ANKRD17: variants seen among roughly 807,000 people sequenced by gnomAD.
The protein encoded by ANKRD17 is ankyrin repeat domain-containing protein 17.
ANKRD17 carries 19 observed loss-of-function variants against 229.7 expected under a neutral mutation model. The observed-to-expected ratio is 0.08, with a 90% CI of 0.06 to 0.12. ANKRD17 has a LOEUF of 0.12. ANKRD17 is among the 10% of genes least tolerant of loss of function. ANKRD17 has a pLI of 1.00. For missense variants in ANKRD17, 2,176 were observed against 3,176.8 expected (o/e 0.68, Z 7.57); for synonymous variants, 1,112 against 1,146.1 (o/e 0.97, Z 0.60).
rs780838820 is a variant in ANKRD17 at position 73,258,538 on chromosome 4, C to T, written c.131G>A (p.Arg44Lys). Residue 44 changes from arginine to lysine, a missense_variant, in exon 1 of 34, where the codon AGA becomes AAA. Physicochemically the swap from Arg to Lys is conservative, Grantham distance 26. Around this residue, in one of 18 missense-constraint regions of ANKRD17, gnomAD observed 196 missense variants for 190.0 expected, o/e 1.03. Coordinates refer to ENST00000358602, the MANE Select transcript of ANKRD17 (RefSeq NM_032217.5). ...ACGAGGAGACGAGGCCGAGCGAGCT[C>T]TGCTGCTGCCGCCAACGCCGCCGCC... ...EVGGGVGGSSRARSASSPRGM... is the reference protein window; with the variant it reads ...EVGGGVGGSSKARSASSPRGM... 1.3e-6 allele frequency: 2 copies of T among 1,500,896 alleles called. No homozygotes were observed. The highest frequency in any genetic ancestry group is 2.5e-5 in the South Asian group (2 of 79,456). The allele number at this position is 1,500,896 out of a possible 1,614,324, so 93.0% of individuals were successfully genotyped here.
chr4:73,147,478 C>A, intron 8 of ANKRD17, 46 bp from the exon 9 acceptor site: 1 of 1,349,846 alleles, frequency 7.4e-7, no homozygotes, highest in Non-Finnish European at 9.8e-7. Flanking sequence ...TTAACTTATT[C>A]CAGAGATATG....
rs774552486 is a variant in ANKRD17 at position 73,097,259 on chromosome 4, T to C, written c.5035A>G (p.Ile1679Val). ...GKASIKLSET[I>V]SEGTSNSLST... ...AGAGAATTACTGGTCCCTTCACTGA[T>C]AGTTTCTGACAATCTTTAACAAAGA... Residue 1679 changes from isoleucine to valine, a missense_variant, in exon 27 of 34, where the codon ATC (isoleucine) becomes GTC (valine). This residue lies in a region of ANKRD17 where 98 missense variants were observed against 101.0 expected (regional missense o/e 0.97). Coordinates refer to ENST00000358602, the MANE Select transcript of ANKRD17 (RefSeq NM_032217.5). 2 of 1,577,790 alleles carry C rather than the reference T, an allele frequency of 1.3e-6. No individual in the cohort carries two copies. Among genetic ancestry groups the C allele is most frequent in the South Asian group, 1.2e-5 (1 of 83,414 alleles).
intron 24 of ANKRD17, among the ~76,000 whole-genome samples, chr4:73,106,800 AC>A (rs1296910158): frequency 4.7e-5 from 7 of 149,838 alleles, no homozygotes; most frequent in Admixed American, 4.0e-4. Flanking sequence ...AATCGCTTGA[AC>A]CCAGGAGGCG....
Position 73,110,011 on chromosome 4 carries a change from CAAAAA to C in ANKRD17, c.4401+3776_4401+3780del, listed in dbSNP as rs1175850592. Among the ~76,000 whole-genome samples, 233 of 33,202 alleles carry C rather than the reference CAAAAA, an allele frequency of 7.0e-3. 1 individual carries two copies. The highest frequency in any genetic ancestry group is 0.037 in the South Asian group (23 of 622). 21.8% of individuals were successfully genotyped at this position (33,202 alleles called of 152,430 possible). On this transcript the variant is annotated intron_variant, in intron 24 of 33. Transcript: ENST00000358602. ...ATTACCTAGCTCCCTAAAAGTTTACCAAAAAAAAAAAAAAAAAAAAAAAAGGTAGA... is the reference window on the plus strand; with the variant it reads ...ATTACCTAGCTCCCTAAAAGTTTACCAAAAAAAAAAAAAAAAAAAGGTAGA...
In ANKRD17 at chr4:73,139,644, C is replaced by T. The variant is rs2148810931; in HGVS notation, c.2972G>A (p.Gly991Asp). 6.2e-7 allele frequency: 1 copy of T among 1,614,088 alleles called. No homozygotes were observed. The highest frequency in any genetic ancestry group is 8.5e-7 in the Non-Finnish European group (1 of 1,180,006). The part of the protein sequence containing the change: ...QGVIVGQPVL[G>D]QAQLAGLGQG... ...CCCCAGCCCTGCCAACTGTGCTTGG[C>T]CCAGTACTGGCTGTCCAACTATCAC... Residue 991 changes from glycine (G) to aspartate (D), a missense_variant, in exon 15 of 34, where the codon GGC (glycine) becomes GAC (aspartate). By Grantham distance (94) the Gly-to-Asp change is moderately conservative. Coordinates refer to ENST00000358602, the MANE Select transcript of ANKRD17 (RefSeq NM_032217.5).
chr4:73,244,558 A>C (rs567923100), intron 1 of ANKRD17, among the ~76,000 whole-genome samples: 56 of 152,276 alleles, frequency 3.7e-4, no homozygotes, highest in Non-Finnish European at 7.2e-4. Context: ...AGCACTGATT[A>C]AGGGATGGTG....
At chr4:73,113,011 C>T in intron 24 of ANKRD17, 1 of 892,144 alleles carries the variant, frequency 1.1e-6, no homozygotes. Context: ...TGGTCTCAAG[C>T]TCCTGACCTC....
At chr4:73,161,980 G>A (rs1470794537) in intron 2 of ANKRD17, among the ~76,000 whole-genome samples, 1 of 151,696 alleles carries the variant, frequency 6.6e-6, no homozygotes, top group Non-Finnish European at 1.5e-5. Context: ...GGGCTCAAGT[G>A]ATCCGCCCAA....
At chr4:73,097,363 T>A (rs1723419370) in intron 26 of ANKRD17, 91 bp from the exon 27 acceptor site, 6 of 1,137,446 alleles carry the variant, frequency 5.3e-6, no homozygotes, top group Admixed American at 3.0e-5. Context: ...TTTTTAAAAA[T>A]TTATTTTTAA....
chr4:73,096,551 C>T (rs545951191), intron 27 of ANKRD17, among the ~76,000 whole-genome samples: 8 of 152,182 alleles, frequency 5.3e-5, no homozygotes, highest in African/African-American at 1.2e-4. Flanking sequence ...TAAATTTTTA[C>T]GAAATTTCCG....
Position 73,075,044 on chromosome 4 carries a change from C to A in ANKRD17, c.*1187G>T, listed in dbSNP as rs575443948. ...TGTCTTCGTGACAAATGCAGAATTT[C>A]TTTTATTACTTGGCTCAAATTAACT... On this transcript the variant is annotated 3_prime_UTR_variant, in exon 34 of 34. Coordinates refer to ENST00000358602, the MANE Select transcript of ANKRD17 (RefSeq NM_032217.5). 4.6e-5 allele frequency: 7 copies of A among 152,514 alleles called. No individual in the cohort carries two copies. The highest frequency in any genetic ancestry group is 1.7e-4 in the African/African-American group (7 of 41,550). 9.4% of individuals were successfully genotyped at this position (152,514 alleles called of 1,614,324 possible). A position where few individuals can be genotyped will look rare whatever the true frequency, so the allele number is the denominator to read the frequency against.
chr4:73,257,972 C>T (rs1002706824), intron 1 of ANKRD17, among the ~76,000 whole-genome samples: 1 of 149,636 alleles, frequency 6.7e-6, no homozygotes, highest in Admixed American at 6.7e-5. Context: ...CCCCCCACCC[C>T]CCGGCGTGCA....
In ANKRD17 at chr4:73,076,165, T is replaced by C. The variant is rs951919554; in HGVS notation, c.*66A>G. 5.4e-6 allele frequency: 8 copies of C among 1,469,440 alleles called. No individual in the cohort carries two copies. The highest frequency in any genetic ancestry group is 7.4e-6 in the Non-Finnish European group (8 of 1,077,356). The allele number at this position is 1,469,440 out of a possible 1,614,324, so 91.0% of individuals were successfully genotyped here. A position where few individuals can be genotyped will look rare whatever the true frequency, so the allele number is the denominator to read the frequency against. On this transcript the variant is annotated 3_prime_UTR_variant, in exon 34 of 34. Transcript: ENST00000358602. ...TAGAATGATTTGGGAGCATAATTTT[T>C]TTTTTCGGCCACTTGTGATTTCCTC...
At chr4:73,102,806 G>A (rs921104970) in intron 24 of ANKRD17, 1 of 375,686 alleles carries the variant, frequency 2.7e-6, no homozygotes, top group African/African-American at 2.1e-5. Context: ...TAATCATTAA[G>A]GACATGTAAG....
At chr4:73,171,178 GGAGAGAGA>G (rs56882212) in intron 2 of ANKRD17, among the ~76,000 whole-genome samples, 2,657 of 104,454 alleles carry the variant, frequency 0.025, 58 homozygotes, top group East Asian at 0.073. Flanking sequence ...CTCAGAGGGG[GGAGAGAGA>G]GAGAGAGAGA....
At chr4:73,232,694 T>C (rs765719409) in intron 1 of ANKRD17, among the ~76,000 whole-genome samples, 23 of 152,086 alleles carry the variant, frequency 1.5e-4, no homozygotes, top group Non-Finnish European at 2.9e-5. Flanking sequence ...ATTAAACAAC[T>C]AGGTAGAGGC....
At chr4:73,180,515 T>C (rs1735410892) in intron 1 of ANKRD17, among the ~76,000 whole-genome samples, 1 of 152,152 alleles carries the variant, frequency 6.6e-6, no homozygotes, top group Non-Finnish European at 1.5e-5. Context: ...ACAGAAACAT[T>C]TACTTTCTAC....
intron 1 of ANKRD17, among the ~76,000 whole-genome samples, chr4:73,184,797 T>C (rs544522190): frequency 1.3e-5 from 2 of 152,268 alleles, no homozygotes; most frequent in South Asian, 4.1e-4. Context: ...ATACAGTGAT[T>C]GTGCAGAGAA....
At chr4:73,170,621 G>C (rs1314261691) in intron 2 of ANKRD17, among the ~76,000 whole-genome samples, 2 of 151,764 alleles carry the variant, frequency 1.3e-5, no homozygotes, top group African/African-American at 4.8e-5. Context: ...TTCTGGAGCT[G>C]TCCTGGGAGA....
Sources: gnomAD v4.1 joint callset for allele counts (sites outside exome capture counted in the v4.1 genomes callset) on GRCh38, gnomAD v4.1.1 for gene constraint, gnomAD v4.1.1 regional missense constraint, MANE v1.5 for transcripts, NCBI Gene and HGNC (gene_info 2026-07-23, HGNC 2026-07-21) for gene names.